Variants in ZNF454 observed in about 807,000 individuals in gnomAD.
The protein encoded by ZNF454 is zinc finger protein 454.
Under a neutral mutation model 48.2 loss-of-function variants are expected in ZNF454, and 30 were observed. The ratio of observed to expected loss-of-function variants is 0.62; its 90% CI spans 0.47 to 0.84. The LOEUF (loss-of-function observed/expected upper bound fraction) is 0.84. Ranked by LOEUF, ZNF454 falls within the 40% of genes least tolerant of loss-of-function variation. ZNF454 has a pLI of 0.00. For missense variants in ZNF454, 510 were observed against 623.1 expected (o/e 0.82, Z 1.93); for synonymous variants, 204 against 211.4 (o/e 0.97, Z 0.30).
At chr5:178,981,860 C>T in the ZNF454 span, 61,946 of 1,594,700 alleles carry the variant, frequency 0.039, 1,846 homozygotes, top group East Asian at 0.16. This position sits in a 1 kb window ranked among gnomAD's most constrained non-coding sequence, Gnocchi z 5.1. Flanking sequence ...TAGATCTAGG[C>T]CATGGAAGAG....
chr5:178,974,031 T>C, the ZNF454 span, among the ~76,000 whole-genome samples: 1 of 152,112 alleles, frequency 6.6e-6, no homozygotes, highest in Admixed American at 6.6e-5. Flanking sequence ...GCGGTGAAGA[T>C]GATGTCATGA....
chr5:178,983,333 G>C, the ZNF454 span: 1 of 918,788 alleles, frequency 1.1e-6, no homozygotes, highest in South Asian at 1.4e-5. Context: ...GCCTATGGAG[G>C]GGATGCTCCA....
chr5:178,947,479 G>C (rs1759384993), intron 4 of ZNF454, among the ~76,000 whole-genome samples: 2 of 152,176 alleles, frequency 1.3e-5, no homozygotes, highest in Admixed American at 1.3e-4. Context: ...TATCTTCTAC[G>C]TTTTGCTGGC....
Position 178,945,421 on chromosome 5 carries a change from G to C in ZNF454, c.34-938G>C, listed in dbSNP as rs140099521. 6.4e-3 allele frequency among the ~76,000 whole-genome samples: 958 copies of C among 149,772 alleles called. 11 individuals carry two copies. Among genetic ancestry groups the C allele is most frequent in the African/African-American group, 0.023 (917 of 40,726 alleles). On this transcript the variant is annotated intron_variant, in intron 2 of 4. Transcript: ENST00000519564. ...TGTGTTTGTGAGGGGTACGGATATG[G>C]GTGTGTGTATGCTTGTGTGTGTATG...
chr5:178,957,836 G>T (rs1288700546), intron 4 of ZNF454, among the ~76,000 whole-genome samples: 2 of 152,168 alleles, frequency 1.3e-5, no homozygotes, highest in African/African-American at 4.8e-5. Context: ...AAACCGGGAT[G>T]CATTTGACTC....
chr5:178,985,434 C>T, the ZNF454 span: 1,149 of 353,680 alleles, frequency 3.2e-3, 5 homozygotes, highest in African/African-American at 0.012. Context: ...CTGGGCGCAG[C>T]GGCTCCCGCC....
chr5:178,985,593 C>T, the ZNF454 span: 28 of 348,672 alleles, frequency 8.0e-5, no homozygotes, highest in East Asian at 9.7e-4. Context: ...GTCCCAGCTA[C>T]TCGGGAGGCT....
chr5:178,964,125 CT>C (rs5873644), intron 4 of ZNF454, among the ~76,000 whole-genome samples: 38,389 of 145,632 alleles, frequency 0.26, 5,576 homozygotes, highest in East Asian at 0.39. Flanking sequence ...AGGCCTGTGA[CT>C]TTTTTTTTTT....
At chr5:178,959,626 GA>G (rs1759915421) in intron 4 of ZNF454, among the ~76,000 whole-genome samples, 1 of 151,588 alleles carries the variant, frequency 6.6e-6, no homozygotes, top group African/African-American at 2.4e-5. Flanking sequence ...TTTTTTTTGA[GA>G]CGGAGTCTCG....
chr5:178,989,464 G>A, the ZNF454 span: 11 of 1,608,396 alleles, frequency 6.8e-6, no homozygotes, highest in African/African-American at 4.0e-5. Flanking sequence ...TGTTTCTCCT[G>A]TGTCTCTCTG....
At chr5:178,982,624 T>C in the ZNF454 span, among the ~76,000 whole-genome samples, 2 of 86,082 alleles carry the variant, frequency 2.3e-5, no homozygotes, top group African/African-American at 9.5e-5. Flanking sequence ...GAACTTGAAT[T>C]AAAAAAAACA....
intron 4 of ZNF454, among the ~76,000 whole-genome samples, chr5:178,957,767 G>A (rs926550226): frequency 1.3e-5 from 2 of 152,184 alleles, no homozygotes; most frequent in African/African-American, 4.8e-5. Flanking sequence ...ATCAGTGCCA[G>A]TAAGACCAGT....
At chr5:178,983,408 A>C in the ZNF454 span, 15 of 709,034 alleles carry the variant, frequency 2.1e-5, no homozygotes, top group Non-Finnish European at 3.3e-5. Context: ...AGGCAGGGGC[A>C]GCCCAAGAGG....
At chr5:178,964,250 AGCTGGGACTACAG>A (rs1369406559) in intron 4 of ZNF454, among the ~76,000 whole-genome samples, 3 of 151,440 alleles carry the variant, frequency 2.0e-5, no homozygotes, top group Non-Finnish European at 4.4e-5. Context: ...CCTCCTGAGT[AGCTGGGACTACAG>A]GCTCCCACCA....
At chr5:178,981,916 C>T in the ZNF454 span, 6 of 978,180 alleles carry the variant, frequency 6.1e-6, no homozygotes, top group Non-Finnish European at 1.0e-5. The surrounding 1 kb of genome is among the most constrained non-coding windows in gnomAD (Gnocchi z 5.1). Context: ...CCGCTCCACA[C>T]AGTCCTCACC....
chr5:178,958,534 A>G (rs1168851517), intron 4 of ZNF454, among the ~76,000 whole-genome samples: 1 of 152,248 alleles, frequency 6.6e-6, no homozygotes, highest in African/African-American at 2.4e-5. Flanking sequence ...GCTATTACGA[A>G]TAGTACCATT....
intron 4 of ZNF454, among the ~76,000 whole-genome samples, chr5:178,956,476 G>A (rs1440947107): frequency 6.8e-6 from 1 of 146,436 alleles, no homozygotes; most frequent in Non-Finnish European, 1.5e-5. Context: ...TCCCGCCCCA[G>A]GCATCTTCCG....
At chr5:178,974,036 T>C in the ZNF454 span, among the ~76,000 whole-genome samples, 2 of 152,082 alleles carry the variant, frequency 1.3e-5, no homozygotes, top group African/African-American at 4.8e-5. Flanking sequence ...GAAGATGATG[T>C]CATGACTAAA....
chr5:178,967,702 T>G (rs1760183043), downstream of ZNF454, among the ~76,000 whole-genome samples: 1 of 151,486 alleles, frequency 6.6e-6, no homozygotes, highest in Admixed American at 6.6e-5. Flanking sequence ...CCTGCAAGTA[T>G]GGTTCCTTTA....
Sources: allele counts gnomAD v4.1 joint callset (sites outside exome capture counted in the v4.1 genomes callset), GRCh38; gene constraint gnomAD v4.1.1; non-coding constraint Gnocchi (gnomAD v3.1); transcripts MANE v1.5; gene names NCBI Gene and HGNC (gene_info 2026-07-23, HGNC 2026-07-21).